MSRA: variants seen among roughly 807,000 people sequenced by gnomAD.
The protein encoded by MSRA is mitochondrial peptide methionine sulfoxide reductase.
Under a neutral mutation model 31.3 loss-of-function variants are expected in MSRA, and 54 were observed. The ratio of observed to expected loss-of-function variants is 1.73; its 90% confidence interval spans 1.39 to 2.17. MSRA has a LOEUF of 2.17. Among genes scored for constraint, MSRA ranks in the 30% most tolerant of loss-of-function variants. The pLI, the probability that MSRA is intolerant of heterozygous loss-of-function variation, is 0.00. For missense variants in MSRA, 507 were observed against 300.9 expected (o/e 1.69, Z -5.07); for synonymous variants, 169 against 116.5 (o/e 1.45, Z -2.90).
chr8:10,219,827 A>AAAAAAAAAAG (rs1563232597), intron 2 of MSRA, among the ~76,000 whole-genome samples: 1 of 150,904 alleles, frequency 6.6e-6, no homozygotes, highest in East Asian at 1.9e-4. Flanking sequence ...AAAAAAAAAA[A>AAAAAAAAAAG]AGATATTTGT....
intron 1 of MSRA, among the ~76,000 whole-genome samples, chr8:10,181,935 G>A (rs1806578144): frequency 6.6e-6 from 1 of 152,160 alleles, no homozygotes; most frequent in African/African-American, 2.4e-5. Flanking sequence ...GGGTGAGTGG[G>A]GGTGAGCAGG....
At chr8:10,074,093 T>A (rs1481958648) in intron 1 of MSRA, among the ~76,000 whole-genome samples, 15 of 66,452 alleles carry the variant, frequency 2.3e-4, no homozygotes, top group Non-Finnish European at 3.1e-4. Flanking sequence ...TTTTTTTTTT[T>A]TTTTTATTAA....
At chr8:10,315,559 G>T (rs1355659422) in intron 4 of MSRA, among the ~76,000 whole-genome samples, 5 of 152,122 alleles carry the variant, frequency 3.3e-5, no homozygotes, top group African/African-American at 1.2e-4. Flanking sequence ...ATTAAATCTG[G>T]AAACTACAAA....
intron 1 of MSRA, among the ~76,000 whole-genome samples, chr8:10,096,566 TG>T (rs1563432402): frequency 6.6e-6 from 1 of 152,236 alleles, no homozygotes; most frequent in African/African-American, 2.4e-5. Context: ...TTCTTATTTT[TG>T]GTTGATTAGA....
intron 1 of MSRA, among the ~76,000 whole-genome samples, chr8:10,187,627 T>A (rs547288227): frequency 2.0e-5 from 3 of 152,348 alleles, no homozygotes; most frequent in South Asian, 2.1e-4. Context: ...TGACAAGGCA[T>A]GACTTCCTGG....
chr8:10,155,199 G>A lies in MSRA; in HGVS notation c.143-52634G>A, dbSNP rs138065525. The stretch of plus-strand genomic sequence containing the variant: ...GAACTTTTTTAAGTAGGCTTATGTC[G>A]GTAGGGATATTGATGACATTCTGAA... On this transcript the variant is annotated intron_variant, in intron 1 of 5. Coordinates refer to ENST00000317173, the MANE Select transcript of MSRA (RefSeq NM_012331.5). Among the ~76,000 whole-genome samples the A allele has an allele frequency of 3.0e-3, 449 of 152,066 alleles. 4 individuals are homozygous for A. The highest frequency in any genetic ancestry group is 0.01 in the African/African-American group (424 of 41,432).
chr8:10,299,544 C>T (rs1321016198), intron 3 of MSRA, among the ~76,000 whole-genome samples: 1 of 151,956 alleles, frequency 6.6e-6, no homozygotes, highest in Non-Finnish European at 1.5e-5. Flanking sequence ...ATTATATGGA[C>T]TAGCCAATTA....
intron 2 of MSRA, among the ~76,000 whole-genome samples, chr8:10,232,687 A>G (rs1290626247): frequency 1.3e-5 from 2 of 152,230 alleles, no homozygotes; most frequent in African/African-American, 4.8e-5. Flanking sequence ...AAGGGAAACT[A>G]AAATCTCATA....
At chr8:10,250,597 C>G (rs774959885) in intron 3 of MSRA, 29 of 636,538 alleles carry the variant, frequency 4.6e-5, no homozygotes, top group Non-Finnish European at 6.5e-5. Context: ...ACAGAATACT[C>G]CGGTGGATTT....
intron 5 of MSRA, among the ~76,000 whole-genome samples, chr8:10,380,855 C>G (rs1248438911): frequency 6.9e-6 from 1 of 145,690 alleles, no homozygotes; most frequent in Non-Finnish European, 1.5e-5. Context: ...TGCTGGCTGG[C>G]TGGCTGGATG....
At chr8:10,176,195 T>C (rs1015254931) in intron 1 of MSRA, among the ~76,000 whole-genome samples, 1 of 152,136 alleles carries the variant, frequency 6.6e-6, no homozygotes, top group Non-Finnish European at 1.5e-5. Context: ...AATGTCACAT[T>C]ATGGTTTTAA....
At chr8:10,274,846 A>G (rs569936892) in intron 3 of MSRA, among the ~76,000 whole-genome samples, 7 of 152,042 alleles carry the variant, frequency 4.6e-5, no homozygotes, top group African/African-American at 1.7e-4. Context: ...TGTTCAACCA[A>G]GCAACCATCC....
intron 3 of MSRA, among the ~76,000 whole-genome samples, chr8:10,274,937 C>G (rs1214525313): frequency 6.6e-6 from 1 of 152,168 alleles, no homozygotes; most frequent in Non-Finnish European, 1.5e-5. Flanking sequence ...TGCTTTAAAA[C>G]TCAGTAAAGT....
chr8:10,118,641 C>A (rs1800867993), intron 1 of MSRA, among the ~76,000 whole-genome samples: 1 of 152,216 alleles, frequency 6.6e-6, no homozygotes, highest in African/African-American at 2.4e-5. Flanking sequence ...TTGACTCTTC[C>A]CCAGTGTGCC....
intron 1 of MSRA, among the ~76,000 whole-genome samples, chr8:10,069,158 C>T (rs1797607078): frequency 6.6e-6 from 1 of 152,144 alleles, no homozygotes; most frequent in Admixed American, 6.5e-5. Flanking sequence ...CTTATTAGTT[C>T]CAGGATGTTT....
chr8:10,213,521 C>T (rs1654049705), intron 2 of MSRA, among the ~76,000 whole-genome samples: 2 of 148,602 alleles, frequency 1.3e-5, no homozygotes, highest in South Asian at 4.3e-4. Context: ...ACTGCAACCT[C>T]CGCCTCCTGA....
intron 2 of MSRA, among the ~76,000 whole-genome samples, chr8:10,221,839 AT>A (rs965233595): frequency 3.9e-5 from 6 of 152,132 alleles, no homozygotes; most frequent in Admixed American, 1.3e-4. Flanking sequence ...TTTTGCACAG[AT>A]TTATGGAAAA....
At chr8:10,155,028 A>G (rs1034937909) in intron 1 of MSRA, among the ~76,000 whole-genome samples, 4 of 149,636 alleles carry the variant, frequency 2.7e-5, no homozygotes, top group East Asian at 4.2e-4. Context: ...TTTACCTTGC[A>G]TTCGCATTTT....
intron 3 of MSRA, among the ~76,000 whole-genome samples, chr8:10,246,046 G>A (rs1797606007): frequency 6.6e-6 from 1 of 151,378 alleles, no homozygotes; most frequent in South Asian, 2.1e-4. Flanking sequence ...CCCACTTGCT[G>A]CCTAGCAAAC....
Sources: gnomAD v4.1 joint callset for allele counts (sites outside exome capture counted in the v4.1 genomes callset) on GRCh38, gnomAD v4.1.1 for gene constraint, MANE v1.5 for transcripts, NCBI Gene and HGNC (gene_info 2026-07-23, HGNC 2026-07-21) for gene names.